The following WDR27 variants were observed in gnomAD, a reference collection of about 807,000 sequenced individuals.
WDR27 encodes the protein WD repeat-containing protein 27.
A neutral mutation model predicts 114.4 loss-of-function variants in WDR27; 100 were observed. That is an observed-to-expected ratio of 0.87 (90% CI 0.74 to 1.03). The LOEUF (loss-of-function observed/expected upper bound fraction) is 1.03. WDR27 is among the 50% of genes least tolerant of loss of function. The probability of loss-of-function intolerance (pLI) is 0.00; values close to 1 mark genes in which losing one functional copy is unlikely to be tolerated. For synonymous variants in WDR27, 449 were observed against 423.1 expected (o/e 1.06, Z -0.75); for missense variants, 1,129 against 1,092.9 (o/e 1.03, Z -0.47).
chr6:169,465,447 G>A (rs1013146568), intron 25 of WDR27, among the ~76,000 whole-genome samples: 5 of 152,206 alleles, frequency 3.3e-5, no homozygotes, highest in Admixed American at 3.3e-4. Context: ...TTGTTGGTGG[G>A]AATGTAAAAT....
At chr6:169,472,391 GAT>G (rs1234780760) in intron 25 of WDR27, among the ~76,000 whole-genome samples, 2 of 152,132 alleles carry the variant, frequency 1.3e-5, no homozygotes, top group Non-Finnish European at 2.9e-5. Context: ...TCTGTGCAGT[GAT>G]TACAAACACA....
rs1220635760 is a variant in WDR27, at chr6:169,659,323, T to G, written c.1198-116A>C. On this transcript the variant is annotated intron_variant, in intron 11 of 25. Coordinates refer to ENST00000448612, the MANE Select transcript of WDR27 (RefSeq NM_182552.5). The surrounding 1 kb of genome is among the most constrained non-coding windows in gnomAD (Gnocchi z 4.3). ...CATTCTCATAGCAGCGACATCGCCC[T>G]GTCACTCCTAAAACGTTTTTACACA... The G allele has an allele frequency of 3.2e-6, 5 of 1,561,548 alleles. No homozygotes were observed. In the South Asian group the frequency reaches 3.6e-5, roughly 11 times the overall value.
intron 23 of WDR27, among the ~76,000 whole-genome samples, chr6:169,590,145 T>C (rs1224258859): frequency 6.6e-6 from 1 of 152,220 alleles, no homozygotes; most frequent in African/African-American, 2.4e-5. Context: ...TGTAACTCTG[T>C]TGAGCCACAT....
intron 25 of WDR27, among the ~76,000 whole-genome samples, chr6:169,480,106 G>T (rs113635592): frequency 1.3e-5 from 2 of 152,270 alleles, no homozygotes; most frequent in Admixed American, 1.3e-4. Flanking sequence ...AGGTGGATGC[G>T]GGCTCAGCGG....
intron 23 of WDR27, among the ~76,000 whole-genome samples, chr6:169,591,917 G>A (rs995385440): frequency 3.3e-5 from 5 of 151,290 alleles, no homozygotes; most frequent in African/African-American, 1.2e-4. Flanking sequence ...CACAGACCTG[G>A]AACCAGCTCT....
chr6:169,462,779 A>G (rs1487522988), intron 25 of WDR27, among the ~76,000 whole-genome samples: 1 of 152,210 alleles, frequency 6.6e-6, no homozygotes, highest in African/African-American at 2.4e-5. Flanking sequence ...ACAAATTGGA[A>G]TTTATTCCTG....
chr6:169,673,356 A>G (rs1382919465), intron 2 of WDR27, among the ~76,000 whole-genome samples: 2 of 152,112 alleles, frequency 1.3e-5, no homozygotes, highest in Admixed American at 6.6e-5. Context: ...TCACCTCATT[A>G]GTACCAATCC....
intron 1 of WDR27, among the ~76,000 whole-genome samples, chr6:169,691,160 A>G (rs1050790454): frequency 4.6e-5 from 7 of 152,166 alleles, no homozygotes; most frequent in Non-Finnish European, 8.8e-5. Context: ...GCTTGCAGTG[A>G]GCCGAGATCG....
At chr6:169,550,251 G>T (rs1003119545) in intron 25 of WDR27, among the ~76,000 whole-genome samples, 4 of 152,106 alleles carry the variant, frequency 2.6e-5, no homozygotes, top group Admixed American at 1.3e-4. Context: ...CAGTTACTTT[G>T]TATGTTTCTA....
chr6:169,462,713 C>T (rs944640711), intron 25 of WDR27, among the ~76,000 whole-genome samples: 1 of 152,086 alleles, frequency 6.6e-6, no homozygotes, highest in South Asian at 2.1e-4. Flanking sequence ...TATAAATCCT[C>T]AACAAAATAC....
intron 25 of WDR27, among the ~76,000 whole-genome samples, chr6:169,458,788 A>G (rs1024537554): frequency 1.4e-5 from 2 of 141,598 alleles, no homozygotes; most frequent in Non-Finnish European, 3.0e-5. Context: ...CCCTGTCTCA[A>G]AAAAAAAAAA....
chr6:169,450,698 A>T, the WDR27 span, among the ~76,000 whole-genome samples: 8 of 152,146 alleles, frequency 5.3e-5, no homozygotes, highest in African/African-American at 1.9e-4. Flanking sequence ...GAGTGAGTCT[A>T]GAGACTTCAT....
rs779893486 is a variant in WDR27, at chr6:169,659,126, G to C, written c.1279C>G (p.Gln427Glu). 6.2e-7 allele frequency: 1 copy of C among 1,607,030 alleles called. No individual in the cohort carries two copies. The highest frequency in any genetic ancestry group is 8.5e-7 in the Non-Finnish European group (1 of 1,176,720). Reference protein sequence around the residue: ...INPAALVRAQQCPSMGQSLSV... With the variant: ...INPAALVRAQECPSMGQSLSV... ...AGGCTCTGCCCCATGCTGGGGCACT[G>C]CTGAGCCCTGACTAGCGCGGCCGGG... Residue 427 changes from glutamine to glutamate, a missense_variant, in exon 12 of 26, where the codon CAG becomes GAG. By Grantham distance (29) the Gln-to-Glu change is conservative (BLOSUM62 2). Transcript: ENST00000448612. This position sits in a 1 kb window ranked among gnomAD's most constrained non-coding sequence, Gnocchi z 4.3.
intron 21 of WDR27, among the ~76,000 whole-genome samples, chr6:169,628,590 G>A (rs1227030170): frequency 6.6e-6 from 1 of 152,136 alleles, no homozygotes; most frequent in East Asian, 1.9e-4. Context: ...TTATCTAACA[G>A]TATGTGAGAA....
Position 169,636,442 on chromosome 6 carries a change from T to C in WDR27, c.1932A>G (p.Ile644Met), listed in dbSNP as rs367728282. The C allele has an allele frequency of 1.1e-5, 17 of 1,613,796 alleles. No individual in the cohort carries two copies. In the African/African-American group the frequency reaches 2.3e-4, roughly 22 times the overall value. Residue 644 changes from isoleucine (I) to methionine (M), a missense_variant, in exon 19 of 26, where the codon ATA becomes ATG. Ile to Met is a conservative substitution (Grantham distance 10). Transcript: ENST00000448612. ...SAQFYYIDAF[I>M]LLSSGPEFQL... ...GAAATTCAGGGCCAGAAGATAACAA[T>C]ATAAAGGCATCTATATAATAGAACT... is the stretch of plus-strand genomic sequence containing the variant.
intron 16 of WDR27, among the ~76,000 whole-genome samples, chr6:169,645,925 T>C (rs142039335): frequency 0.042 from 5,940 of 142,110 alleles, 132 homozygotes; most frequent in Middle Eastern, 0.081. Flanking sequence ...CTGTAGAAAA[T>C]CCTAGTTCAC....
chr6:169,469,561 C>A (rs370557229), intron 25 of WDR27, among the ~76,000 whole-genome samples: 14 of 152,348 alleles, frequency 9.2e-5, no homozygotes, highest in African/African-American at 3.4e-4. Context: ...GCCAGACAAG[C>A]TGTACCCTGT....
At chr6:169,474,418 T>A (rs2115347919) in intron 25 of WDR27, among the ~76,000 whole-genome samples, 1 of 152,340 alleles carries the variant, frequency 6.6e-6, no homozygotes, top group East Asian at 1.9e-4. Context: ...TTTAACTAAA[T>A]TTTGTTTTAT....
In WDR27 at chr6:169,566,095, C is replaced by A. The variant is rs560625884; in HGVS notation, c.2645+6324G>T. Among the ~76,000 whole-genome samples the A allele has an allele frequency of 8.0e-5, 12 of 150,830 alleles. No homozygotes were observed. The South Asian group carries it at 1.5e-3, about 19-fold the overall frequency. On this transcript the variant is annotated intron_variant, in intron 25 of 25. Transcript: ENST00000448612. ...AAACATTTTGTAATGTATTGTTACT[C>A]GTTAGAAGGAACCAGATCAATTATG...
Sources: gnomAD v4.1 joint callset for allele counts (sites outside exome capture counted in the v4.1 genomes callset) on GRCh38, gnomAD v4.1.1 for gene constraint, Gnocchi (gnomAD v3.1) non-coding constraint, MANE v1.5 for transcripts, NCBI Gene and HGNC (gene_info 2026-07-23, HGNC 2026-07-21) for gene names.